ADRA1A: variants seen among roughly 807,000 people sequenced by gnomAD.
ADRA1A encodes alpha-1A adrenergic receptor.
A neutral mutation model predicts 29.6 loss-of-function variants in ADRA1A; 31 were observed. That is an observed-to-expected ratio of 1.05 (90% CI 0.79 to 1.41). The LOEUF is 1.41. Ranked by LOEUF, ADRA1A falls within the 40% of genes most tolerant of loss-of-function variation. ADRA1A has a pLI of 0.00. For missense variants in ADRA1A, 619 were observed against 601.1 expected (o/e 1.03, Z -0.31); for synonymous variants, 311 against 254.3 (o/e 1.22, Z -2.12).
intron 2 of ADRA1A, among the ~76,000 whole-genome samples, chr8:26,845,950 C>G (rs556090587): frequency 6.6e-6 from 1 of 152,048 alleles, no homozygotes; most frequent in African/African-American, 2.4e-5. Context: ...CTAATGGGAC[C>G]CAGATTTCAT....
chr8:26,828,117 C>T (rs1810715715), intron 2 of ADRA1A, among the ~76,000 whole-genome samples: 3 of 152,094 alleles, frequency 2.0e-5, no homozygotes, highest in African/African-American at 7.2e-5. Context: ...TGGTCTCAAA[C>T]TCCTGAGCTC....
At chr8:26,833,442 A>G (rs759597497) in intron 2 of ADRA1A, among the ~76,000 whole-genome samples, 3 of 152,194 alleles carry the variant, frequency 2.0e-5, no homozygotes, top group Non-Finnish European at 4.4e-5. Context: ...CCAAAAATAA[A>G]ATTCAAAGTA....
chr8:26,783,774 C>T (rs1490636850), intron 2 of ADRA1A, among the ~76,000 whole-genome samples: 2 of 152,164 alleles, frequency 1.3e-5, no homozygotes, highest in Admixed American at 1.3e-4. Flanking sequence ...GACATGGAAT[C>T]AACCCAAATG....
Position 26,796,153 on chromosome 8 carries a change from G to A in ADRA1A, c.884-25487C>T, listed in dbSNP as rs1808179374. On this transcript the variant is annotated intron_variant, in intron 2 of 2. Coordinates refer to ENST00000380573, the MANE Select transcript of ADRA1A (RefSeq NM_000680.4). This position sits in a 1 kb window ranked among gnomAD's most constrained non-coding sequence, Gnocchi z 5.0. ...TAGAATTTGCTTCCAAAGAACCTGA[G>A]TGGAGTGAGAAATCTGAATAAAATA... is the stretch of plus-strand genomic sequence containing the variant. Among the ~76,000 whole-genome samples the A allele has an allele frequency of 6.6e-6, 1 of 152,090 alleles. No homozygotes were observed. The highest frequency in any genetic ancestry group is 6.6e-5 in the Admixed American group (1 of 15,266).
Position 26,768,846 on chromosome 8 carries a change from C to G in ADRA1A, c.*1303G>C, listed in dbSNP as rs1001127894. 4.1e-6 allele frequency: 4 copies of G among 981,018 alleles called. No homozygotes were observed. Among genetic ancestry groups the G allele is most frequent in the Non-Finnish European group, 4.8e-6 (4 of 825,952 alleles). 60.8% of individuals were successfully genotyped at this position (981,018 alleles called of 1,614,324 possible). On this transcript the variant is annotated 3_prime_UTR_variant, in exon 3 of 3. Transcript: ENST00000380573. The stretch of plus-strand genomic sequence containing the variant: ...TTATGGTTTACCAAAATTTGGTATA[C>G]ATAAAGCAAAATATAGCATGTTCCC...
chr8:26,776,856 T>C (rs988310066), intron 2 of ADRA1A, among the ~76,000 whole-genome samples: 2 of 152,212 alleles, frequency 1.3e-5, no homozygotes, highest in African/African-American at 4.8e-5. Flanking sequence ...TAATGTTACA[T>C]GACCATGGGA....
chr8:26,845,884 T>A (rs975001015), intron 2 of ADRA1A, among the ~76,000 whole-genome samples: 5 of 152,078 alleles, frequency 3.3e-5, no homozygotes, highest in African/African-American at 1.2e-4. Context: ...AATCAGCACA[T>A]CCATACAGAT....
chr8:26,828,359 TC>T (rs1810738891), intron 2 of ADRA1A, among the ~76,000 whole-genome samples: 1 of 152,206 alleles, frequency 6.6e-6, no homozygotes, highest in African/African-American at 2.4e-5. Flanking sequence ...TACGAAAGCT[TC>T]AAGTCCTCAT....
chr8:26,783,477 A>G (rs1425097289), intron 2 of ADRA1A, among the ~76,000 whole-genome samples: 1 of 152,234 alleles, frequency 6.6e-6, no homozygotes, highest in East Asian at 1.9e-4. Flanking sequence ...TACGTCTCCT[A>G]TAAGGCAGTG....
rs76196053 is a variant in ADRA1A at position 26,856,093 on chromosome 8, T to C, written c.883+7994A>G. 1.5e-4 allele frequency among the ~76,000 whole-genome samples: 23 copies of C among 152,368 alleles called. No individual in the cohort carries two copies. The East Asian group carries it at 4.4e-3, about 29-fold the overall frequency. On this transcript the variant is annotated intron_variant, in intron 2 of 2. Coordinates refer to ENST00000380573, the MANE Select transcript of ADRA1A (RefSeq NM_000680.4). ...CTGCAGCACGTTCTTTTGAAAATGA[T>C]GGTAAATCTTCATTGACAGATTTGT...
At chr8:26,786,206 G>A (rs1484363292) in intron 2 of ADRA1A, among the ~76,000 whole-genome samples, 1 of 151,166 alleles carries the variant, frequency 6.6e-6, no homozygotes, top group Non-Finnish European at 1.5e-5. Context: ...CCCTGCTCTG[G>A]CCACCCTGAC....
In ADRA1A at chr8:26,780,450, C is replaced by A. The variant is rs529931197; in HGVS notation, c.884-9784G>T. On this transcript the variant is annotated intron_variant, in intron 2 of 2. Transcript: ENST00000380573. ...CTGTTTTCTGCTGCACTCTTCTGCT[C>A]TTCACTCAGTGACCTCTCTCCCCTG... Among the ~76,000 whole-genome samples the A allele has an allele frequency of 1.6e-3, 244 of 152,326 alleles. 3 individuals are homozygous for A. The highest frequency in any genetic ancestry group is 6.8e-3 in the Middle Eastern group (2 of 294).
Position 26,843,227 on chromosome 8 carries a change from G to A in ADRA1A, c.883+20860C>T, listed in dbSNP as rs61762869. On this transcript the variant is annotated intron_variant, in intron 2 of 2. Coordinates refer to ENST00000380573, the MANE Select transcript of ADRA1A (RefSeq NM_000680.4). ...CCTCCAGAAGACTTAGCTCAGAACC[G>A]AGCCCGCAGCAGATGCTCAGTGCTT... 6.6e-4 allele frequency among the ~76,000 whole-genome samples: 101 copies of A among 152,262 alleles called. 1 individual carries two copies. In the Middle Eastern group the frequency reaches 0.031, roughly 46 times the overall value.
At chr8:26,852,860 T>G (rs1271219730) in intron 2 of ADRA1A, among the ~76,000 whole-genome samples, 1 of 152,118 alleles carries the variant, frequency 6.6e-6, no homozygotes, top group Non-Finnish European at 1.5e-5. Flanking sequence ...AGACAGTGCA[T>G]TAACGTAAAA....
Position 26,778,226 on chromosome 8 carries a change from C to T in ADRA1A, c.884-7560G>A, listed in dbSNP as rs111683059. On this transcript the variant is annotated intron_variant, in intron 2 of 2. Coordinates refer to ENST00000380573, the MANE Select transcript of ADRA1A (RefSeq NM_000680.4). ...ATTTGGACCCCAACGCCCATAAGAA[C>T]GCTGGAAAGAGTAATAGGGGACCCC... 2.7e-3 allele frequency among the ~76,000 whole-genome samples: 405 copies of T among 152,248 alleles called. 1 individual carries two copies. The highest frequency in any genetic ancestry group is 8.5e-3 in the African/African-American group (355 of 41,538).
intron 2 of ADRA1A, among the ~76,000 whole-genome samples, chr8:26,795,903 A>G (rs1197824593): frequency 6.6e-6 from 1 of 152,180 alleles, no homozygotes; most frequent in East Asian, 1.9e-4. Context: ...TGTACAGGAA[A>G]TAAACTTAGA....
At chr8:26,839,263 A>C (rs973991718) in intron 2 of ADRA1A, among the ~76,000 whole-genome samples, 1 of 148,826 alleles carries the variant, frequency 6.7e-6, no homozygotes, top group Non-Finnish European at 1.5e-5. Flanking sequence ...GGTTCAAGTG[A>C]TTCTCCTGCC....
At chr8:26,822,230 T>A (rs896157504) in intron 2 of ADRA1A, among the ~76,000 whole-genome samples, 4 of 152,216 alleles carry the variant, frequency 2.6e-5, no homozygotes, top group Admixed American at 6.5e-5. Context: ...CCAAGAGATA[T>A]CCACCACTTT....
chr8:26,786,232 A>G (rs1164980873), intron 2 of ADRA1A, among the ~76,000 whole-genome samples: 3 of 118,588 alleles, frequency 2.5e-5, no homozygotes, highest in Non-Finnish European at 4.8e-5. Flanking sequence ...TTTTATTTTT[A>G]TTTTTAAATT....
Sources: allele counts gnomAD v4.1 joint callset (sites outside exome capture counted in the v4.1 genomes callset), GRCh38; gene constraint gnomAD v4.1.1; non-coding constraint Gnocchi (gnomAD v3.1); transcripts MANE v1.5; gene names NCBI Gene and HGNC (gene_info 2026-07-23, HGNC 2026-07-21).